Variants in GPC5 observed in about 807,000 individuals in gnomAD.
GPC5 encodes the protein glypican-5.
In GPC5, 47 loss-of-function variants were observed where a neutral mutation model predicts 53.9. The observed-to-expected ratio is 0.87, with a 90% confidence interval of 0.69 to 1.11. GPC5 has a LOEUF of 1.11. Among genes scored for constraint, GPC5 ranks in the 50% most tolerant of loss-of-function variants. The pLI is 0.00. For missense variants in GPC5, 748 were observed against 713.1 expected, an observed-to-expected ratio of 1.05 and a Z score of -0.56; for synonymous variants, 286 against 263.3, an observed-to-expected ratio of 1.09 and a Z score of -0.84.
intron 5 of GPC5, among the ~76,000 whole-genome samples, chr13:91,821,797 A>G (rs1474903257): frequency 6.6e-6 from 1 of 152,148 alleles, no homozygotes; most frequent in Non-Finnish European, 1.5e-5. Context: ...GATCCTTTTT[A>G]TATATTGATA....
At chr13:92,787,680 A>AAAAG (rs1876295851) in intron 7 of GPC5, among the ~76,000 whole-genome samples, 2 of 148,690 alleles carry the variant, frequency 1.3e-5, no homozygotes, top group African/African-American at 5.0e-5. Context: ...AAAAAAAAAA[A>AAAAG]AAAGAAAAGA....
At chr13:91,750,777 C>T (rs2037157965) in intron 4 of GPC5, among the ~76,000 whole-genome samples, 1 of 150,584 alleles carries the variant, frequency 6.6e-6, no homozygotes, top group Non-Finnish European at 1.5e-5. Flanking sequence ...GCCTCCCGGC[C>T]TCAGCCTCCC....
intron 7 of GPC5, among the ~76,000 whole-genome samples, chr13:92,419,516 T>G (rs2139360186): frequency 6.6e-6 from 1 of 152,326 alleles, no homozygotes; most frequent in Admixed American, 6.5e-5. Flanking sequence ...ATTTCTGAGC[T>G]ACAGTTTCCT....
intron 7 of GPC5, among the ~76,000 whole-genome samples, chr13:92,675,183 G>T (rs529863466): frequency 6.6e-6 from 1 of 152,120 alleles, no homozygotes; most frequent in East Asian, 1.9e-4. Flanking sequence ...TATTTGGGAG[G>T]TAAGGAACAC....
intron 5 of GPC5, among the ~76,000 whole-genome samples, chr13:91,766,760 T>C (rs535629956): frequency 3.3e-5 from 5 of 152,252 alleles, no homozygotes; most frequent in African/African-American, 1.2e-4. Context: ...CTTATGTGGC[T>C]GAGGCAGGAA....
intron 6 of GPC5, among the ~76,000 whole-genome samples, chr13:92,098,848 G>C (rs2041442509): frequency 6.6e-6 from 1 of 152,076 alleles, no homozygotes; most frequent in Non-Finnish European, 1.5e-5. Flanking sequence ...CAGTGAGACA[G>C]ATATTGGACA....
intron 7 of GPC5, among the ~76,000 whole-genome samples, chr13:92,381,643 C>G (rs1223663820): frequency 6.6e-6 from 1 of 150,718 alleles, no homozygotes; most frequent in Admixed American, 6.6e-5. Flanking sequence ...GGCAATCCCA[C>G]TACTGGGTAT....
intron 2 of GPC5, among the ~76,000 whole-genome samples, chr13:91,465,265 G>A (rs974629975): frequency 6.6e-6 from 1 of 152,028 alleles, no homozygotes; most frequent in African/African-American, 2.4e-5. Context: ...ATACTTTTTA[G>A]GTGGGCCTTC....
rs1377580046 is a variant in GPC5 at position 91,399,039 on chromosome 13, C to T, written c.-8C>T. 1.3e-6 allele frequency: 2 copies of T among 1,544,326 alleles called. No individual in the cohort carries two copies. The highest frequency in any genetic ancestry group is 1.4e-5 in the African/African-American group (1 of 73,074). ...CACTGGCGGGTAAAGGGGACCAGGACGGCGAGGATGGACGCACAGACCTGG... is the reference window on the plus strand; with the variant it reads ...CACTGGCGGGTAAAGGGGACCAGGATGGCGAGGATGGACGCACAGACCTGG... On this transcript the variant is annotated 5_prime_UTR_variant, in exon 1 of 8. It adds an upstream start codon to the 5' untranslated region. Coordinates refer to ENST00000377067, the MANE Select transcript of GPC5 (RefSeq NM_004466.6).
At chr13:91,567,941 C>A (rs1352061948) in intron 2 of GPC5, among the ~76,000 whole-genome samples, 1 of 152,078 alleles carries the variant, frequency 6.6e-6, no homozygotes, top group African/African-American at 2.4e-5. Context: ...ATAATGGGGG[C>A]AGTTTCTCCC....
At chr13:91,926,074 G>A (rs1594667922) in intron 6 of GPC5, among the ~76,000 whole-genome samples, 1 of 152,106 alleles carries the variant, frequency 6.6e-6, no homozygotes, top group Admixed American at 6.6e-5. Context: ...AAAAATCTAT[G>A]CAAAATAGCC....
At chr13:92,437,108 A>T (rs1348903996) in intron 7 of GPC5, among the ~76,000 whole-genome samples, 1 of 152,166 alleles carries the variant, frequency 6.6e-6, no homozygotes, top group Non-Finnish European at 1.5e-5. Context: ...AAAAGCAGAC[A>T]TCCAACATTG....
At chr13:91,950,208 C>T (rs1275650858) in intron 6 of GPC5, among the ~76,000 whole-genome samples, 1 of 151,072 alleles carries the variant, frequency 6.6e-6, no homozygotes, top group Non-Finnish European at 1.5e-5. Context: ...ATGCTCTAAC[C>T]TTATTTCTCC....
At chr13:92,205,042 C>T (rs929374090) in intron 7 of GPC5, among the ~76,000 whole-genome samples, 1 of 152,048 alleles carries the variant, frequency 6.6e-6, no homozygotes, top group South Asian at 2.1e-4. Context: ...CCACACCTGG[C>T]TATTTTTTTG....
intron 7 of GPC5, among the ~76,000 whole-genome samples, chr13:92,814,415 C>A (rs1022984559): frequency 5.3e-5 from 8 of 151,884 alleles, no homozygotes; most frequent in Non-Finnish European, 1.2e-4. Context: ...AATTCCAGCA[C>A]TTTGGGAGGC....
intron 7 of GPC5, among the ~76,000 whole-genome samples, chr13:92,370,142 T>C (rs7334367): frequency 0.055 from 8,310 of 152,288 alleles, 759 homozygotes; most frequent in African/African-American, 0.19. Context: ...AATATCTTGA[T>C]GAAATGCACA....
chr13:91,492,940 T>C (rs1448920720), intron 2 of GPC5, among the ~76,000 whole-genome samples: 1 of 152,076 alleles, frequency 6.6e-6, no homozygotes, highest in Non-Finnish European at 1.5e-5. Context: ...ACCACCTCTT[T>C]CCCCCCAGTG....
chr13:92,398,308 A>G lies in GPC5; in HGVS notation c.1561+253319A>G, dbSNP rs971076972. On this transcript the variant is annotated intron_variant, in intron 7 of 7. Coordinates refer to ENST00000377067, the MANE Select transcript of GPC5 (RefSeq NM_004466.6). ...GCCGGGCGTAGTGGCGGGCGCCTGT[A>G]GTCCCAGCTACTTGGGAGGCTGAGG... 5.4e-3 allele frequency among the ~76,000 whole-genome samples: 809 copies of G among 148,660 alleles called. 8 individuals carry two copies. The highest frequency in any genetic ancestry group is 0.019 in the African/African-American group (779 of 40,508).
intron 7 of GPC5, among the ~76,000 whole-genome samples, chr13:92,592,180 C>T (rs1883733700): frequency 6.6e-6 from 1 of 152,208 alleles, no homozygotes; most frequent in Non-Finnish European, 1.5e-5. Context: ...CAGTCATCCA[C>T]ATCCCCTCCT....
Sources: allele counts gnomAD v4.1 joint callset (sites outside exome capture counted in the v4.1 genomes callset), GRCh38; gene constraint gnomAD v4.1.1; transcripts MANE v1.5; gene names NCBI Gene and HGNC (gene_info 2026-07-23, HGNC 2026-07-21).